The following PDE4D variants were observed in gnomAD, a reference collection of about 807,000 sequenced individuals.
PDE4D encodes the protein phosphodiesterase 4D.
In PDE4D, 24 loss-of-function variants were observed where a neutral mutation model predicts 87.4. That is an observed-to-expected ratio of 0.27 (90% confidence interval 0.20 to 0.39). The LOEUF is 0.39. Ranked by LOEUF, PDE4D falls within the 10% of genes least tolerant of loss-of-function variation. PDE4D has a pLI of 1.00. For missense variants in PDE4D, 714 were observed against 1,041.0 expected, an observed-to-expected ratio of 0.69 and a Z score of 4.32; for synonymous variants, 384 against 383.2, an observed-to-expected ratio of 1.00 and a Z score of -0.02.
intron 5 of PDE4D, among the ~76,000 whole-genome samples, chr5:59,136,991 T>C (rs1057085810): frequency 6.6e-6 from 1 of 152,112 alleles, no homozygotes; most frequent in African/African-American, 2.4e-5. Flanking sequence ...TCCCAGGAAA[T>C]CCCTCAGTGC....
At chr5:59,688,813 C>A (rs541067988) in intron 1 of PDE4D, among the ~76,000 whole-genome samples, 2 of 151,598 alleles carry the variant, frequency 1.3e-5, no homozygotes, top group Non-Finnish European at 2.9e-5. Context: ...ACAAAATTGA[C>A]GGACCACTAG....
At chr5:60,048,861 G>A (rs559751102) in intron 2 of PDE4D, among the ~76,000 whole-genome samples, 12 of 152,104 alleles carry the variant, frequency 7.9e-5, no homozygotes, top group African/African-American at 2.2e-4. Context: ...TGCTCTTCTC[G>A]AGGAGTATCT....
At chr5:59,714,080 G>A (rs527726051) in intron 1 of PDE4D, among the ~76,000 whole-genome samples, 4 of 152,234 alleles carry the variant, frequency 2.6e-5, no homozygotes, top group African/African-American at 9.6e-5. Context: ...CTTGGTCTGG[G>A]TCTGCACTGT....
At chr5:59,818,211 GA>G (rs1221558420) in intron 1 of PDE4D, among the ~76,000 whole-genome samples, 1 of 152,240 alleles carries the variant, frequency 6.6e-6, no homozygotes, top group Non-Finnish European at 1.5e-5. Flanking sequence ...TTGCAGAGAG[GA>G]AATGTATAAT....
intron 1 of PDE4D, among the ~76,000 whole-genome samples, chr5:59,386,755 T>C (rs1367255724): frequency 6.6e-6 from 1 of 151,744 alleles, no homozygotes; most frequent in Non-Finnish European, 1.5e-5. Context: ...AAATATGCCA[T>C]GGGAATTGCT....
At chr5:59,792,085 C>A (rs999956506) in intron 1 of PDE4D, among the ~76,000 whole-genome samples, 2 of 152,144 alleles carry the variant, frequency 1.3e-5, no homozygotes, top group African/African-American at 4.8e-5. Context: ...AAAGCAGTGA[C>A]AACAGAACTC....
chr5:59,972,537 C>A (rs1760896779), intron 3 of PDE4D, among the ~76,000 whole-genome samples: 1 of 152,322 alleles, frequency 6.6e-6, no homozygotes, highest in South Asian at 2.1e-4. Flanking sequence ...CTTTTCTGTC[C>A]CAGTGCTAAA....
intron 1 of PDE4D, among the ~76,000 whole-genome samples, chr5:60,348,544 G>A (rs1179738558): frequency 6.6e-6 from 1 of 152,090 alleles, no homozygotes; most frequent in Non-Finnish European, 1.5e-5. Flanking sequence ...AAACAGCTAA[G>A]TGAACTATGA....
chr5:60,061,506 C>T (rs577413230), intron 2 of PDE4D, among the ~76,000 whole-genome samples: 2 of 152,154 alleles, frequency 1.3e-5, no homozygotes, highest in East Asian at 1.9e-4. Flanking sequence ...GCCATACAGC[C>T]CAAAGTAGTT....
intron 1 of PDE4D, among the ~76,000 whole-genome samples, chr5:59,783,866 A>G (rs552703935): frequency 8.5e-5 from 13 of 152,166 alleles, no homozygotes; most frequent in Non-Finnish European, 1.6e-4. Flanking sequence ...CAGGAGTTCA[A>G]GACCAGCCTG....
intron 1 of PDE4D, among the ~76,000 whole-genome samples, chr5:59,731,964 GT>G (rs1166409782): frequency 6.6e-6 from 1 of 152,096 alleles, no homozygotes; most frequent in Non-Finnish European, 1.5e-5. Flanking sequence ...TGCACAAAAG[GT>G]TTTTTCCAGA....
intron 1 of PDE4D, among the ~76,000 whole-genome samples, chr5:60,435,745 GA>G (rs1443944735): frequency 6.6e-6 from 1 of 151,914 alleles, no homozygotes; most frequent in Non-Finnish European, 1.5e-5. Context: ...TAGCTTTCAA[GA>G]TTTTTTTTTA....
At chr5:59,149,706 GT>G (rs76421367) in intron 5 of PDE4D, among the ~76,000 whole-genome samples, 7,045 of 68,440 alleles carry the variant, frequency 0.1, 184 homozygotes, top group African/African-American at 0.15. Flanking sequence ...CTCTCCTCGA[GT>G]TTTTTTTTTT....
chr5:60,271,368 T>A (rs528358905), intron 1 of PDE4D, among the ~76,000 whole-genome samples: 1 of 152,350 alleles, frequency 6.6e-6, no homozygotes, highest in South Asian at 2.1e-4. Flanking sequence ...TGGTAATAGC[T>A]ACTATTACAT....
chr5:59,964,815 G>T (rs1042516048), intron 3 of PDE4D, among the ~76,000 whole-genome samples: 1 of 151,934 alleles, frequency 6.6e-6, no homozygotes, highest in African/African-American at 2.4e-5. Flanking sequence ...ATTCTTAATT[G>T]GTTTAGCATT....
intron 1 of PDE4D, among the ~76,000 whole-genome samples, chr5:59,645,708 A>T (rs1742329843): frequency 2.0e-5 from 3 of 152,176 alleles, no homozygotes; most frequent in Non-Finnish European, 4.4e-5. Context: ...GGAGTGAAGG[A>T]GACACAATGT....
At chr5:59,707,632 G>A (rs941294346) in intron 1 of PDE4D, among the ~76,000 whole-genome samples, 3 of 152,122 alleles carry the variant, frequency 2.0e-5, no homozygotes, top group Admixed American at 6.6e-5. Context: ...AGACCAGCAT[G>A]CATTAGCTAC....
chr5:59,160,460 AT>A (rs757007882), intron 5 of PDE4D, among the ~76,000 whole-genome samples: 3 of 150,920 alleles, frequency 2.0e-5, no homozygotes, highest in East Asian at 1.9e-4. Flanking sequence ...AAAACCTCGG[AT>A]TTTTTTTTCC....
intron 1 of PDE4D, among the ~76,000 whole-genome samples, chr5:60,468,137 C>CTTTTTTTTTTTTTTTTTT (rs570783072): frequency 3.2e-4 from 45 of 141,208 alleles, no homozygotes; most frequent in East Asian, 1.1e-3. Flanking sequence ...TTTCTTTTTT[C>CTTTTTTTTTTTTTTTTTT]TTTTTTTTTT....
Sources: gnomAD v4.1 joint callset for allele counts (sites outside exome capture counted in the v4.1 genomes callset) on GRCh38, gnomAD v4.1.1 for gene constraint, MANE v1.5 for transcripts, NCBI Gene and HGNC (gene_info 2026-07-23, HGNC 2026-07-21) for gene names.